CCDC183: variants seen among roughly 807,000 people sequenced by gnomAD.
CCDC183 encodes coiled-coil domain-containing protein 183.
In CCDC183, 63 loss-of-function variants were observed where a neutral mutation model predicts 65.2. The ratio of observed to expected loss-of-function variants is 0.97; its 90% CI spans 0.79 to 1.19. The LOEUF (loss-of-function observed/expected upper bound fraction) is 1.19. Ranked by LOEUF, CCDC183 falls within the 50% of genes most tolerant of loss-of-function variation. The pLI, the probability that CCDC183 is intolerant of heterozygous loss-of-function variation, is 0.00. For missense variants in CCDC183, 769 were observed against 689.3 expected, an observed-to-expected ratio of 1.12 and a Z score of -1.30; for synonymous variants, 323 against 276.5, an observed-to-expected ratio of 1.17 and a Z score of -1.67.
At chr9:136,801,758 A>T (rs532425301) in intron 5 of CCDC183, among the ~76,000 whole-genome samples, 1 of 152,238 alleles carries the variant, frequency 6.6e-6, no homozygotes, top group African/African-American at 2.4e-5. Flanking sequence ...TATTTTTAAA[A>T]ATGAAGATTC....
chr9:136,796,684 G>A (rs1159412247), intron 1 of CCDC183, among the ~76,000 whole-genome samples: 1 of 152,160 alleles, frequency 6.6e-6, no homozygotes, highest in Non-Finnish European at 1.5e-5. Flanking sequence ...ACAGAAACAT[G>A]TGCTGTATTG....
Position 136,804,536 on chromosome 9 carries a change from A to C in CCDC183, c.701A>C (p.Glu234Ala). 6.2e-7 allele frequency: 1 copy of C among 1,613,432 alleles called. No homozygotes were observed. The highest frequency in any genetic ancestry group is 8.5e-7 in the Non-Finnish European group (1 of 1,179,916). Reference protein sequence around the residue: ...NMRQREASFIEERRARENRLN... With the variant: ...NMRQREASFIAERRARENRLN... ...AGGCAAAGGGAGGCGTCCTTCATCG[A>C]GGAGCGCCGGGCAAGGGAGAACCGG... The change falls in exon 7 of 14, where the codon GAG (glutamate) becomes GCG (alanine). Residue 234 changes from glutamate (E) to alanine (A), a missense_variant. Coordinates refer to ENST00000338005, the MANE Select transcript of CCDC183 (RefSeq NM_001039374.5). This position sits in a 1 kb window ranked among gnomAD's most constrained non-coding sequence, Gnocchi z 4.1.
At position 136,800,473 on chromosome 9, in the gene CCDC183, C is replaced by T; in HGVS notation, c.523C>T (p.Leu175=). 3 of 1,611,032 alleles carry T rather than the reference C, an allele frequency of 1.9e-6. No individual in the cohort carries two copies. Among genetic ancestry groups the T allele is most frequent in the African/African-American group, 1.3e-5 (1 of 74,834 alleles). ...GAACATCCACCTGCTGTATTTGGACCTGCTGGATTATCTGAAGACAGTGAG... is the reference window on the plus strand; with the variant it reads ...GAACATCCACCTGCTGTATTTGGACTTGCTGGATTATCTGAAGACAGTGAG... ...SQNIHLLYLD[L]LDYLKTVLAG... The change falls in exon 5 of 14, where the codon CTG becomes TTG. Residue 175 remains leucine (L), a synonymous_variant. Transcript: ENST00000338005.
At chr9:136,797,674 G>A (rs955860669) in intron 1 of CCDC183, among the ~76,000 whole-genome samples, 5 of 152,170 alleles carry the variant, frequency 3.3e-5, no homozygotes, top group Non-Finnish European at 7.3e-5. Context: ...ACCTGACCTC[G>A]TGATCTGCCC....
chr9:136,802,582 A>T, intron 5 of CCDC183, 82 bp from the exon 6 acceptor site: 1 of 1,526,304 alleles, frequency 6.6e-7, no homozygotes, highest in Non-Finnish European at 8.8e-7. Flanking sequence ...CACTGTTCTC[A>T]GGGCTCTTAG....
Position 136,804,825 on chromosome 9 carries a change from T to TCA in CCDC183, c.847+10_847+11dup. Reference sequence around the variant, plus strand: ...CACGGAGACCCTGAAATGTAAGCGCTCAGCTCCCCACCTGCCCCCAGCCAG... The same window carrying TCA: ...CACGGAGACCCTGAAATGTAAGCGCTCACAGCTCCCCACCTGCCCCCAGCCAG... On this transcript the variant is annotated intron_variant, in intron 8 of 13. Transcript: ENST00000338005. The surrounding 1 kb of genome is among the most constrained non-coding windows in gnomAD (Gnocchi z 4.1). 1 of 1,612,916 alleles carries TCA rather than the reference T, an allele frequency of 6.2e-7. No individual in the cohort carries two copies. The highest frequency in any genetic ancestry group is 1.1e-5 in the South Asian group (1 of 91,066).
chr9:136,802,559 G>A, intron 5 of CCDC183, 105 bp from the exon 6 acceptor site: 1 of 1,466,592 alleles, frequency 6.8e-7, no homozygotes, highest in Non-Finnish European at 9.1e-7. Flanking sequence ...TGGGGCCACA[G>A]AGGAGAACCT....
At chr9:136,802,518 G>A (rs1308364589) in intron 5 of CCDC183, 146 bp from the exon 6 acceptor site, 26 of 1,171,528 alleles carry the variant, frequency 2.2e-5, no homozygotes, top group African/African-American at 3.1e-5. Context: ...TTTCATCACC[G>A]TTGTGCCCAG....
chr9:136,807,356 T>C (rs184537865), intron 13 of CCDC183: 5 of 699,418 alleles, frequency 7.1e-6, no homozygotes, highest in Non-Finnish European at 1.2e-5. Flanking sequence ...GGTGAAGGCC[T>C]GGGCCGGAGC....
intron 1 of CCDC183, 149 bp from the exon 2 acceptor site, chr9:136,798,953 C>T (rs1000208688): frequency 2.9e-6 from 3 of 1,044,080 alleles, no homozygotes; most frequent in Non-Finnish European, 4.1e-6. Context: ...TCCCCCAGGA[C>T]AGGGCGGGAG....
In CCDC183 at chr9:136,803,167, C is replaced by T. The variant is rs757419415; in HGVS notation, c.666+381C>T. Among the ~76,000 whole-genome samples, 51 of 44,348 alleles carry T rather than the reference C, an allele frequency of 1.1e-3. 2 individuals are homozygous for T. The highest frequency in any genetic ancestry group is 5.2e-3 in the African/African-American group (33 of 6,304). 29.1% of individuals were successfully genotyped at this position (44,348 alleles called of 152,430 possible). ...AGGGCTGGGGCCCCCCAGGGCCAGC[C>T]CTCTTGGATCTTCGGATGGGGTCAA... On this transcript the variant is annotated intron_variant, in intron 6 of 13. Transcript: ENST00000338005.
rs139238147 is a variant in CCDC183, at chr9:136,806,849, G to T, written c.1371G>T (p.Met457Ile). Residue 457 changes from methionine to isoleucine, a missense_variant, in exon 12 of 14, where the codon ATG (methionine) becomes ATT (isoleucine). Met to Ile is a conservative substitution (Grantham distance 10). Coordinates refer to ENST00000338005, the MANE Select transcript of CCDC183 (RefSeq NM_001039374.5). ...CGTACCTGGCTGACAGAGTGCAGAT[G>T]GTGTCCAGGACCGAGGAGGTAGCCC... ...KLTYLADRVQ[M>I]VSRTEEGDTK... 3.1e-3 allele frequency: 4,993 copies of T among 1,613,498 alleles called. 13 individuals carry two copies. The highest frequency in any genetic ancestry group is 3.8e-3 in the Non-Finnish European group (4,489 of 1,180,000).
intron 1 of CCDC183, among the ~76,000 whole-genome samples, chr9:136,797,205 C>CAA (rs1847661208): frequency 1.3e-5 from 2 of 152,234 alleles, no homozygotes; most frequent in Non-Finnish European, 2.9e-5. Flanking sequence ...CCTACGTGCA[C>CAA]ATCTGGGCAT....
chr9:136,797,629 G>A (rs1230420202), intron 1 of CCDC183, among the ~76,000 whole-genome samples: 2 of 152,084 alleles, frequency 1.3e-5, no homozygotes, highest in Admixed American at 6.6e-5. Context: ...TAGTAGAGAT[G>A]CGGTTTCACC....
chr9:136,804,393 G>C lies in CCDC183; in HGVS notation c.667-109G>C. 1 of 1,430,622 alleles carries C rather than the reference G, an allele frequency of 7.0e-7. No homozygotes were observed. The highest frequency in any genetic ancestry group is 9.3e-7 in the Non-Finnish European group (1 of 1,074,438). 88.6% of individuals were successfully genotyped at this position (1,430,622 alleles called of 1,614,324 possible). On this transcript the variant is annotated intron_variant, in intron 6 of 13. Transcript: ENST00000338005. This position sits in a 1 kb window ranked among gnomAD's most constrained non-coding sequence, Gnocchi z 4.1. ...GGTGTGGCCATTGGCCGGGGATGCA[G>C]TTCCAAAGTCTAGTAAGGTGAGCAT... is the stretch of plus-strand genomic sequence containing the variant.
intron 1 of CCDC183, among the ~76,000 whole-genome samples, chr9:136,796,845 C>T (rs1357705547): frequency 6.6e-6 from 1 of 152,164 alleles, no homozygotes; most frequent in Non-Finnish European, 1.5e-5. Flanking sequence ...GACCTCTGCC[C>T]AGGAAAGCCT....
chr9:136,806,451 C>T (rs1847851588), intron 10 of CCDC183, 53 bp from the exon 11 acceptor site: 1 of 1,607,192 alleles, frequency 6.2e-7, no homozygotes, highest in African/African-American at 1.3e-5. Context: ...GGTGGCCCAC[C>T]ATGGCTCTCG....
intron 2 of CCDC183, chr9:136,799,444 G>C: frequency 3.7e-6 from 3 of 809,342 alleles, no homozygotes; most frequent in Non-Finnish European, 5.6e-6. Context: ...CTTGGCATCT[G>C]TGAGCCCACA....
chr9:136,801,679 C>T (rs1426334690), intron 5 of CCDC183, among the ~76,000 whole-genome samples: 1 of 152,158 alleles, frequency 6.6e-6, no homozygotes, highest in African/African-American at 2.4e-5. Flanking sequence ...GCACTCCAGC[C>T]TGGGTGATAG....
Sources: gnomAD v4.1 joint callset for allele counts (sites outside exome capture counted in the v4.1 genomes callset) on GRCh38, gnomAD v4.1.1 for gene constraint, Gnocchi (gnomAD v3.1) non-coding constraint, MANE v1.5 for transcripts, NCBI Gene and HGNC (gene_info 2026-07-23, HGNC 2026-07-21) for gene names.